Variants in AMPD3 observed in about 807,000 individuals in gnomAD.
AMPD3 encodes the protein adenosine monophosphate deaminase 3, also known as AMP deaminase 3.
AMPD3 carries 57 observed loss-of-function variants against 82.3 expected under a neutral mutation model. The ratio of observed to expected loss-of-function variants is 0.69; its 90% CI spans 0.56 to 0.86. The LOEUF is 0.86. Among genes scored for constraint, AMPD3 ranks in the 40% least tolerant of loss-of-function variants. The pLI, the probability that AMPD3 is intolerant of heterozygous loss-of-function variation, is 0.00. For missense variants in AMPD3, 870 were observed against 1,003.8 expected (o/e 0.87, Z 1.80); for synonymous variants, 381 against 394.7 (o/e 0.97, Z 0.41).
chr11:10,487,273 C>G lies in AMPD3; in HGVS notation c.848C>G (p.Ser283Cys). The change falls in exon 6 of 15, where the codon TCC (serine) becomes TGC (cysteine). Residue 283 changes from serine to cysteine, a missense_variant. By Grantham distance (112) the Ser-to-Cys change is moderately radical. Transcript: ENST00000396553. ...CACCGGCGACTGAACTTTCTGGAATCCAAGTTCAGCCTTCATGAGATGTTA... is the reference window on the plus strand; with the variant it reads ...CACCGGCGACTGAACTTTCTGGAATGCAAGTTCAGCCTTCATGAGATGTTA... ...YCHRRLNFLE[S>C]KFSLHEMLNE... is the part of the protein sequence containing the mutation. 1.2e-6 allele frequency: 2 copies of G among 1,614,166 alleles called. No individual in the cohort carries two copies. The highest frequency in any genetic ancestry group is 1.7e-6 in the Non-Finnish European group (2 of 1,180,014).
intron 1 of AMPD3, among the ~76,000 whole-genome samples, chr11:10,459,184 C>T (rs1367324203): frequency 6.6e-6 from 1 of 152,130 alleles, no homozygotes. Flanking sequence ...ACAGGCTGTT[C>T]CCCACCAGCT....
At chr11:10,482,037 C>T (rs761721731) in intron 3 of AMPD3, 26 bp from the exon 4 acceptor site, 6 of 1,614,042 alleles carry the variant, frequency 3.7e-6, no homozygotes, top group Non-Finnish European at 5.1e-6. Context: ...TGCATGAACC[C>T]TTTCCTGCCT....
intron 2 of AMPD3, among the ~76,000 whole-genome samples, chr11:10,466,161 T>G (rs896675960): frequency 6.6e-6 from 1 of 151,286 alleles, no homozygotes; most frequent in Admixed American, 6.6e-5. Context: ...ACTTGGGAGG[T>G]TGAGGCAGGA....
chr11:10,474,958 A>G (rs1209362264), intron 2 of AMPD3, among the ~76,000 whole-genome samples: 1 of 152,202 alleles, frequency 6.6e-6, no homozygotes, highest in Non-Finnish European at 1.5e-5. Context: ...CAGGGGCACC[A>G]GATCAGTTTT....
At chr11:10,453,130 A>G (rs1428167414), upstream of AMPD3, among the ~76,000 whole-genome samples, 1 of 152,148 alleles carries the variant, frequency 6.6e-6, no homozygotes, top group Non-Finnish European at 1.5e-5. Flanking sequence ...TTGTGTTTTT[A>G]GTAGAGATGG....
At chr11:10,451,185 C>A (rs749914621), upstream of AMPD3, 20 of 1,468,650 alleles carry the variant, frequency 1.4e-5, no homozygotes, top group South Asian at 2.7e-5. Context: ...TGACTCCGGT[C>A]CGATCCCTTG....
intron 4 of AMPD3, among the ~76,000 whole-genome samples, chr11:10,483,855 G>A (rs557904021): frequency 3.3e-5 from 5 of 152,318 alleles, no homozygotes; most frequent in African/African-American, 9.6e-5. Context: ...CAGATCTTGA[G>A]GTTTGCTCCT....
chr11:10,490,624 A>G (rs1849212825), intron 6 of AMPD3: 1 of 985,172 alleles, frequency 1.0e-6, no homozygotes, highest in Non-Finnish European at 1.2e-6. Flanking sequence ...TTGAGTTCTG[A>G]AGTTTGGATG....
chr11:10,453,293 T>C (rs1848006608), upstream of AMPD3, among the ~76,000 whole-genome samples: 1 of 152,228 alleles, frequency 6.6e-6, no homozygotes, highest in Admixed American at 6.5e-5. Flanking sequence ...ATTCCTGAGA[T>C]TGCCATAGGT....
chr11:10,452,228 C>T (rs1167174605), upstream of AMPD3, among the ~76,000 whole-genome samples: 5 of 151,986 alleles, frequency 3.3e-5, no homozygotes, highest in Non-Finnish European at 1.5e-5. Flanking sequence ...TTCAAATGGC[C>T]TCAAAATCTG....
intron 14 of AMPD3, 51 bp from the exon 15 acceptor site, chr11:10,505,657 G>T: frequency 1.9e-6 from 3 of 1,600,908 alleles, no homozygotes; most frequent in Non-Finnish European, 2.5e-6. Context: ...CATGGCTATA[G>T]AAAGTGAATC....
chr11:10,467,884 T>TTTTCAACCCAGAATTTCATATGCAG (rs1185665426), intron 2 of AMPD3, among the ~76,000 whole-genome samples: 2 of 152,176 alleles, frequency 1.3e-5, no homozygotes, highest in Non-Finnish European at 1.5e-5. Flanking sequence ...AAGAAAAGAA[T>TTTTCAACCCAGAATTTCATATGCAG]TTTCAACCCA....
rs953126050 is a variant in AMPD3 at position 10,478,040 on chromosome 11, T to G, written c.222-486T>G. 1.6e-5 allele frequency: 16 copies of G among 985,324 alleles called. No individual in the cohort carries two copies. The Admixed American group carries it at 5.5e-4, about 34-fold the overall frequency. 61.0% of individuals were successfully genotyped at this position (985,324 alleles called of 1,614,324 possible). A position where few individuals can be genotyped will look rare whatever the true frequency, so the allele number is the denominator to read the frequency against. On this transcript the variant is annotated intron_variant, in intron 2 of 14. Coordinates refer to ENST00000396553, the MANE Select transcript of AMPD3 (RefSeq NM_001025389.2). ...CCAATGCCCCAAATGTCTAACTGTG[T>G]GAAATGCAGTGTGATTGTCTCTCTG...
intron 6 of AMPD3, among the ~76,000 whole-genome samples, chr11:10,492,025 C>T (rs1206819897): frequency 6.6e-6 from 1 of 152,018 alleles, no homozygotes; most frequent in East Asian, 1.9e-4. Context: ...CAAGAAATTC[C>T]ATTATTAAGA....
At chr11:10,450,706 G>T (rs907697931), upstream of AMPD3, 5 of 1,083,030 alleles carry the variant, frequency 4.6e-6, no homozygotes, top group Admixed American at 5.3e-5. Context: ...TCCCGTTGGC[G>T]GCGCGGCCCG....
chr11:10,502,665 T>A, intron 12 of AMPD3, 56 bp from the exon 13 acceptor site: 1 of 1,603,956 alleles, frequency 6.2e-7, no homozygotes, highest in South Asian at 1.1e-5. Flanking sequence ...CTCCCTTCCC[T>A]TTTCCCTTCT....
chr11:10,479,908 T>C (rs1848851245), intron 3 of AMPD3: 3 of 985,450 alleles, frequency 3.0e-6, no homozygotes, highest in Non-Finnish European at 3.6e-6. Flanking sequence ...TTGGAAACAA[T>C]GCAGGCCTTG....
intron 6 of AMPD3, 21 bp downstream of exon 6, chr11:10,487,385 C>T: frequency 6.2e-7 from 1 of 1,613,668 alleles, no homozygotes; most frequent in Non-Finnish European, 8.5e-7. Context: ...GGCGAGTGTT[C>T]ACAGCTGCCT....
rs1402313406 is a variant in AMPD3, at chr11:10,499,912, CT to C, written c.1558-170del. ...GGGGCAGACCTTGGTGTTGTACCCA[CT>C]TTTCATCCCTGGGAGGAATATGGCC... On this transcript the variant is annotated intron_variant, in intron 10 of 14. Coordinates refer to ENST00000396553, the MANE Select transcript of AMPD3 (RefSeq NM_001025389.2). The C allele has an allele frequency of 5.1e-6, 5 of 983,960 alleles. No individual in the cohort carries two copies. The African/African-American group carries it at 8.7e-5, about 17-fold the overall frequency. 61.0% of individuals were successfully genotyped at this position (983,960 alleles called of 1,614,324 possible). A position where few individuals can be genotyped will look rare whatever the true frequency, so the allele number is the denominator to read the frequency against.
Sources: gnomAD v4.1 joint callset for allele counts (sites outside exome capture counted in the v4.1 genomes callset) on GRCh38, gnomAD v4.1.1 for gene constraint, MANE v1.5 for transcripts, NCBI Gene and HGNC (gene_info 2026-07-23, HGNC 2026-07-21) for gene names.